LIMD1: variants seen among roughly 807,000 people sequenced by gnomAD.
The protein encoded by LIMD1 is LIM domain containing 1, also known as LIM domain-containing protein 1.
Under a neutral mutation model 58.4 loss-of-function variants are expected in LIMD1, and 23 were observed. The ratio of observed to expected loss-of-function variants is 0.39; its 90% CI spans 0.28 to 0.56. The LOEUF is 0.56. Ranked by LOEUF, LIMD1 falls within the 20% of genes least tolerant of loss-of-function variation. LIMD1 has a pLI of 0.57. For synonymous variants in LIMD1, 334 were observed against 345.5 expected (o/e 0.97, Z 0.37); for missense variants, 838 against 855.5 (o/e 0.98, Z 0.25).
At chr3:45,618,397 G>T (rs1424911791) in intron 1 of LIMD1, among the ~76,000 whole-genome samples, 1 of 152,142 alleles carries the variant, frequency 6.6e-6, no homozygotes, top group Non-Finnish European at 1.5e-5. Flanking sequence ...CCAATACAGT[G>T]TGGTCATTAC....
rs1276783166 is a variant in LIMD1, at chr3:45,683,614, C to T, written c.*6555C>T. The T allele has an allele frequency of 3.3e-5, 5 of 152,070 alleles. No homozygotes were observed. Among genetic ancestry groups the T allele is most frequent in the African/African-American group, 1.2e-4 (5 of 41,368 alleles). 9.4% of individuals were successfully genotyped at this position (152,070 alleles called of 1,614,324 possible). On this transcript the variant is annotated 3_prime_UTR_variant, in exon 8 of 8. Coordinates refer to ENST00000273317, the MANE Select transcript of LIMD1 (RefSeq NM_014240.3). The stretch of plus-strand genomic sequence containing the variant: ...ACTTTGCTTCAGCCTCTGATTGGTC[C>T]CCTCCCACAACCAATCAAACTGATC...
At chr3:45,670,019 G>T (rs1216113296) in intron 4 of LIMD1, among the ~76,000 whole-genome samples, 2 of 152,114 alleles carry the variant, frequency 1.3e-5, no homozygotes, top group Admixed American at 1.3e-4. Flanking sequence ...CTCAGCAGAG[G>T]TCTTAGCCCT....
chr3:45,615,378 G>C (rs1033604685), intron 1 of LIMD1, among the ~76,000 whole-genome samples: 10 of 152,162 alleles, frequency 6.6e-5, no homozygotes, highest in South Asian at 4.1e-4. Context: ...ATGGATTTAG[G>C]GGGGAGAAGT....
intron 2 of LIMD1, among the ~76,000 whole-genome samples, chr3:45,643,298 A>C (rs543666948): frequency 2.0e-5 from 3 of 152,220 alleles, no homozygotes; most frequent in African/African-American, 7.2e-5. Flanking sequence ...CAGCCTGGGC[A>C]ATGTGGCAAA....
chr3:45,633,557 A>G (rs1701757535), intron 1 of LIMD1, among the ~76,000 whole-genome samples: 2 of 152,248 alleles, frequency 1.3e-5, no homozygotes. Context: ...TTAGCAAAAC[A>G]TCAATTATAG....
intron 1 of LIMD1, among the ~76,000 whole-genome samples, chr3:45,603,960 C>T (rs1309676979): frequency 6.6e-6 from 1 of 151,890 alleles, no homozygotes. Context: ...GACCATCACC[C>T]AGGACGCTCC....
intron 1 of LIMD1, among the ~76,000 whole-genome samples, chr3:45,628,134 G>A (rs1404207421): frequency 1.3e-5 from 2 of 152,150 alleles, no homozygotes; most frequent in East Asian, 1.9e-4. Flanking sequence ...TAATTGCCTC[G>A]AGAGAATTTC....
At position 45,681,051 on chromosome 3, in the gene LIMD1, T is replaced by C. The variant is rs1236479443; in HGVS notation, c.*3992T>C. 6.6e-6 allele frequency: 1 copy of C among 151,860 alleles called. No individual in the cohort carries two copies. Among genetic ancestry groups the C allele is most frequent in the Non-Finnish European group, 1.5e-5 (1 of 67,978 alleles). 9.4% of individuals were successfully genotyped at this position (151,860 alleles called of 1,614,324 possible). On this transcript the variant is annotated 3_prime_UTR_variant, in exon 8 of 8. Transcript: ENST00000273317. ...GTAACAGAAAAAAGAGTGAAATATATTAGCTATCTTTTATTCTGAGCCAAA... is the reference window on the plus strand; with the variant it reads ...GTAACAGAAAAAAGAGTGAAATATACTAGCTATCTTTTATTCTGAGCCAAA...
At position 45,685,920 on chromosome 3, in the gene LIMD1, TAAGAC is replaced by T. The variant is rs1319251449; in HGVS notation, c.*8863_*8867del. The T allele has an allele frequency of 6.6e-6, 1 of 152,224 alleles. No individual in the cohort carries two copies. The highest frequency in any genetic ancestry group is 6.5e-5 in the Admixed American group (1 of 15,280). The allele number at this position is 152,224 out of a possible 1,614,324, so 9.4% of individuals were successfully genotyped here. The stretch of plus-strand genomic sequence containing the variant: ...CCACCTGAATTGACTCTCCCTTAGC[TAAGAC>T]AGCCAGACAGACTCCATCTTGGCTC... On this transcript the variant is annotated 3_prime_UTR_variant, in exon 8 of 8. Coordinates refer to ENST00000273317, the MANE Select transcript of LIMD1 (RefSeq NM_014240.3).
chr3:45,675,251 C>T (rs548373565), intron 7 of LIMD1, among the ~76,000 whole-genome samples: 3 of 152,310 alleles, frequency 2.0e-5, no homozygotes, highest in Admixed American at 6.5e-5. Flanking sequence ...TATAAGGGGC[C>T]GGGCGCGATA....
chr3:45,654,619 C>G (rs12489638), intron 2 of LIMD1, among the ~76,000 whole-genome samples: 152,038 of 152,044 alleles, frequency 1, 76,016 homozygotes, highest in Middle Eastern at 1. Flanking sequence ...GCTTGAACCC[C>G]GGAGTTTGAG....
Position 45,678,491 on chromosome 3 carries a change from C to T in LIMD1, c.*1432C>T, listed in dbSNP as rs1410159768. On this transcript the variant is annotated 3_prime_UTR_variant, in exon 8 of 8. Transcript: ENST00000273317. Reference sequence around the variant, plus strand: ...ACACTGGCAAGATTTCAAGACCACTCTCTGCACTGAAGAGGTAAAATTTGC... The same window carrying T: ...ACACTGGCAAGATTTCAAGACCACTTTCTGCACTGAAGAGGTAAAATTTGC... 1 of 152,210 alleles carries T rather than the reference C, an allele frequency of 6.6e-6. No individual in the cohort carries two copies. The highest frequency in any genetic ancestry group is 1.9e-4 in the East Asian group (1 of 5,202). 9.4% of individuals were successfully genotyped at this position (152,210 alleles called of 1,614,324 possible).
At chr3:45,641,782 A>G (rs1222752721) in intron 2 of LIMD1, among the ~76,000 whole-genome samples, 3 of 152,240 alleles carry the variant, frequency 2.0e-5, no homozygotes, top group Non-Finnish European at 4.4e-5. Context: ...TCCTTGTCCC[A>G]TACACTGAAG....
intron 1 of LIMD1, among the ~76,000 whole-genome samples, chr3:45,632,882 A>C (rs1251357959): frequency 2.6e-5 from 4 of 152,164 alleles, no homozygotes; most frequent in Admixed American, 1.3e-4. Context: ...ACTGCTTTCC[A>C]GGGTGACGAG....
intron 4 of LIMD1, among the ~76,000 whole-genome samples, chr3:45,669,383 A>G (rs1019134807): frequency 1.3e-5 from 2 of 152,244 alleles, no homozygotes; most frequent in African/African-American, 4.8e-5. Flanking sequence ...ATTTCATTCT[A>G]GAGAAGATAA....
rs747696399 is a variant in LIMD1, at chr3:45,677,038, C to A, written c.2010C>A (p.Ala670=). ...KRLEKRPSST[A]LHQHHF ...TGGAGAAGAGACCCTCATCTACAGC[C>A]CTTCACCAGCACCACTTCTAGCCAG... The change falls in exon 8 of 8, where the codon GCC becomes GCA. Residue 670 remains alanine (A), a synonymous_variant. Coordinates refer to ENST00000273317, the MANE Select transcript of LIMD1 (RefSeq NM_014240.3). 6.2e-7 allele frequency: 1 copy of A among 1,613,884 alleles called. No homozygotes were observed. Among genetic ancestry groups the A allele is most frequent in the Admixed American group, 1.7e-5 (1 of 60,024 alleles).
chr3:45,632,615 C>T, intron 1 of LIMD1: 2 of 910,840 alleles, frequency 2.2e-6, no homozygotes, highest in Non-Finnish European at 2.6e-6. Flanking sequence ...ATTCAACTCA[C>T]ACTTGTTTCC....
Position 45,636,246 on chromosome 3 carries a change from C to T in LIMD1, c.1505C>T (p.Ala502Val), listed in dbSNP as rs1047545316. 12 of 1,606,018 alleles carry T rather than the reference C, an allele frequency of 7.5e-6. No homozygotes were observed. The highest frequency in any genetic ancestry group is 1.1e-5 in the South Asian group (1 of 89,884). The change falls in exon 2 of 8, where the codon GCT (alanine) becomes GTT (valine). Residue 502 changes from alanine (A) to valine (V), a missense_variant. By Grantham distance (64) the Ala-to-Val change is moderately conservative (BLOSUM62 0). This residue lies in a region of LIMD1 where 659 missense variants were observed against 639.8 expected (regional missense o/e 1.03). Transcript: ENST00000273317. ...LYHDTCFTCA[A>V]CSRKLRGKAF... ...CATGACACATGCTTCACCTGTGCAG[C>T]TTGCAGTAAGTGTGGGTGTGGGTGT... is the stretch of plus-strand genomic sequence containing the variant.
At chr3:45,621,562 C>T (rs993402876) in intron 1 of LIMD1, among the ~76,000 whole-genome samples, 2 of 152,046 alleles carry the variant, frequency 1.3e-5, no homozygotes, top group Non-Finnish European at 1.5e-5. Context: ...ATTATAGAAA[C>T]GTTTCTATTA....
Sources: allele counts gnomAD v4.1 joint callset (sites outside exome capture counted in the v4.1 genomes callset), GRCh38; gene constraint gnomAD v4.1.1; regional missense constraint gnomAD v4.1.1; transcripts MANE v1.5; gene names NCBI Gene and HGNC (gene_info 2026-07-23, HGNC 2026-07-21).